EGLN3: variants seen among roughly 807,000 people sequenced by gnomAD.
EGLN3 encodes the protein egl-9 family hypoxia inducible factor 3, also known as prolyl hydroxylase EGLN3.
In EGLN3, 15 loss-of-function variants were observed where a neutral mutation model predicts 26.0. The observed-to-expected ratio is 0.58, with a 90% confidence interval of 0.39 to 0.89. EGLN3 has a LOEUF of 0.89. EGLN3 is among the 40% of genes least tolerant of loss of function. The pLI is 0.00. For missense variants in EGLN3, 238 were observed against 311.6 expected, an observed-to-expected ratio of 0.76 and a Z score of 1.78; for synonymous variants, 147 against 127.2, an observed-to-expected ratio of 1.16 and a Z score of -1.05.
chr14:33,936,088 G>A (rs569488320), intron 1 of EGLN3, among the ~76,000 whole-genome samples: 7 of 152,212 alleles, frequency 4.6e-5, no homozygotes, highest in African/African-American at 7.2e-5. Context: ...AAAATTAGTT[G>A]GGCATGGTGG....
chr14:33,941,764 T>C (rs1297533081), intron 1 of EGLN3, among the ~76,000 whole-genome samples: 1 of 152,168 alleles, frequency 6.6e-6, no homozygotes, highest in Non-Finnish European at 1.5e-5. Flanking sequence ...TAAATCCATG[T>C]ACTGGGCAGC....
chr14:33,950,281 T>C (rs1235952669), intron 1 of EGLN3, 115 bp downstream of exon 1: 2 of 1,016,210 alleles, frequency 2.0e-6, no homozygotes, highest in Non-Finnish European at 3.1e-6. Flanking sequence ...CCAGGCTGAC[T>C]TCTTGGTTAA....
At position 33,926,995 on chromosome 14, in the gene EGLN3, C is replaced by T; in HGVS notation, c.653G>A (p.Arg218Lys). The T allele has an allele frequency of 6.2e-7, 1 of 1,607,894 alleles. No homozygotes were observed. Among genetic ancestry groups the T allele is most frequent in the Non-Finnish European group, 8.5e-7 (1 of 1,177,168 alleles). The change falls in exon 4 of 5, where the codon AGG becomes AAG. Residue 218 changes from arginine (R) to lysine (K), a missense_variant. Arg to Lys is a conservative substitution (Grantham distance 26). Coordinates refer to ENST00000250457, the MANE Select transcript of EGLN3 (RefSeq NM_022073.4). ...MTVWYFDAEE[R>K]AEAKKKFRNL... ...CCTGAATTTCTTTTTGGCTTCTGCC[C>T]TTTCTTCAGCATCAAAGTACCAGAC... is the stretch of plus-strand genomic sequence containing the variant.
chr14:33,936,764 C>A (rs1358185493), intron 1 of EGLN3, among the ~76,000 whole-genome samples: 1 of 130,432 alleles, frequency 7.7e-6, no homozygotes, highest in Non-Finnish European at 1.7e-5. Context: ...GGAGGAAAGG[C>A]TGGAGAAAAA....
chr14:33,925,812 A>C lies in EGLN3; in HGVS notation c.*79T>G. 1 of 1,524,174 alleles carries C rather than the reference A, an allele frequency of 6.6e-7. No individual in the cohort carries two copies. The allele number at this position is 1,524,174 out of a possible 1,614,324, so 94.4% of individuals were successfully genotyped here. On this transcript the variant is annotated 3_prime_UTR_variant, in exon 5 of 5. Coordinates refer to ENST00000250457, the MANE Select transcript of EGLN3 (RefSeq NM_022073.4). Reference sequence around the variant, plus strand: ...GGAGATTGTTGTCACTGAAGAGGCCATCTTTGGATCTCAAAGAATTTAAGA... The same window carrying C: ...GGAGATTGTTGTCACTGAAGAGGCCCTCTTTGGATCTCAAAGAATTTAAGA...
At position 33,950,558 on chromosome 14, in the gene EGLN3, G is replaced by A; in HGVS notation, c.195C>T (p.Arg65=). 1 of 1,611,804 alleles carries A rather than the reference G, an allele frequency of 6.2e-7. No individual in the cohort carries two copies. The highest frequency in any genetic ancestry group is 2.2e-5 in the East Asian group (1 of 44,790). Residue 65 remains arginine, a synonymous_variant, in exon 1 of 5, where the codon CGC becomes CGT. Transcript: ENST00000250457. ...ALRDGQLAGP[R]AGVSKRHLRG... ...GCAGGTGTCGCTTGGAGACGCCGGCGCGCGGCCCCGCCAGCTGGCCGTCCC... is the reference window on the plus strand; with the variant it reads ...GCAGGTGTCGCTTGGAGACGCCGGCACGCGGCCCCGCCAGCTGGCCGTCCC...
In EGLN3 at chr14:33,925,571, G is replaced by A. The variant is rs2064356057; in HGVS notation, c.*320C>T. ...GAAGTATACATAAAGTGCAAGTAAG[G>A]TTCATTCCCTCGCTGTGCTCCTAGG... On this transcript the variant is annotated 3_prime_UTR_variant, in exon 5 of 5. Transcript: ENST00000250457. 7 of 284,494 alleles carry A rather than the reference G, an allele frequency of 2.5e-5. No homozygotes were observed. The South Asian group carries it at 4.4e-4, about 18-fold the overall frequency. 17.6% of individuals were successfully genotyped at this position (284,494 alleles called of 1,614,324 possible). A position where few individuals can be genotyped will look rare whatever the true frequency, so the allele number is the denominator to read the frequency against.
chr14:33,927,044 T>G lies in EGLN3; in HGVS notation c.615-11A>C. 1.3e-6 allele frequency: 2 copies of G among 1,577,480 alleles called. No individual in the cohort carries two copies. Among genetic ancestry groups the G allele is most frequent in the Non-Finnish European group, 8.6e-7 (1 of 1,161,194 alleles). ...ACAGTCATAGCATATCTGTGAAAGA[T>G]AAGCAGATATAAGGAAAGAGATTTA... On this transcript the variant is annotated splice_polypyrimidine_tract_variant and intron_variant, in intron 3 of 4. Coordinates refer to ENST00000250457, the MANE Select transcript of EGLN3 (RefSeq NM_022073.4).
At chr14:33,944,553 C>A (rs1421847456) in intron 1 of EGLN3, among the ~76,000 whole-genome samples, 1 of 152,182 alleles carries the variant, frequency 6.6e-6, no homozygotes, top group Non-Finnish European at 1.5e-5. Flanking sequence ...ATCTCTCTAG[C>A]CCTAAAAACC....
chr14:33,946,159 C>T (rs1034875686), intron 1 of EGLN3, among the ~76,000 whole-genome samples: 4 of 152,126 alleles, frequency 2.6e-5, no homozygotes, highest in Non-Finnish European at 1.5e-5. Flanking sequence ...GGCGAATCAC[C>T]TGAGGTCGGG....
At position 33,951,023 on chromosome 14, in the gene EGLN3, C is replaced by A. The variant is rs1335577783; in HGVS notation, c.-271G>T. 2 of 433,650 alleles carry A rather than the reference C, an allele frequency of 4.6e-6. No individual in the cohort carries two copies. The allele number at this position is 433,650 out of a possible 1,614,324, so 26.9% of individuals were successfully genotyped here. ...CGGCGAGCAGTGCGGCGCAAGGAGTCGGAGGGCGCCTTTTGGGGATGGGAA... is the reference window on the plus strand; with the variant it reads ...CGGCGAGCAGTGCGGCGCAAGGAGTAGGAGGGCGCCTTTTGGGGATGGGAA... On this transcript the variant is annotated 5_prime_UTR_variant, in exon 1 of 5. Coordinates refer to ENST00000250457, the MANE Select transcript of EGLN3 (RefSeq NM_022073.4).
At chr14:33,946,840 C>T (rs1305237729) in intron 1 of EGLN3, among the ~76,000 whole-genome samples, 1 of 152,214 alleles carries the variant, frequency 6.6e-6, no homozygotes, top group East Asian at 1.9e-4. Context: ...TGGTGTAAAC[C>T]AAGCAACTTG....
At chr14:33,931,003 A>T (rs1301536422) in intron 2 of EGLN3, 93 bp downstream of exon 2, 1 of 1,535,264 alleles carries the variant, frequency 6.5e-7, no homozygotes, top group African/African-American at 1.4e-5. Flanking sequence ...AGATACGGCA[A>T]CTATGAACTC....
rs367686592 is a variant in EGLN3, at chr14:33,926,958, A to G, written c.688+2T>C. 1 of 1,601,586 alleles carries G rather than the reference A, an allele frequency of 6.2e-7. No individual in the cohort carries two copies. ...AGTCACAGAAAATTATCAAACACAT[A>G]CTAGTTAAATTCCTGAATTTCTTTT... On this transcript the variant is annotated splice_donor_variant, in intron 4 of 4. Coordinates refer to ENST00000250457, the MANE Select transcript of EGLN3 (RefSeq NM_022073.4). LOFTEE classifies it high-confidence loss of function.
At chr14:33,937,671 A>G (rs531986624) in intron 1 of EGLN3, among the ~76,000 whole-genome samples, 1 of 152,322 alleles carries the variant, frequency 6.6e-6, no homozygotes, top group Non-Finnish European at 1.5e-5. Context: ...CACAATGCAG[A>G]CTACTTCTGC....
chr14:33,937,092 C>A (rs1045115761), intron 1 of EGLN3, among the ~76,000 whole-genome samples: 1 of 152,164 alleles, frequency 6.6e-6, no homozygotes, highest in Non-Finnish European at 1.5e-5. Context: ...CTTTACAAGA[C>A]GATGGCAACT....
Position 33,950,655 on chromosome 14 carries a change from T to C in EGLN3, c.98A>G (p.Asn33Ser). ...LHEVGFCYLD[N>S]FLGEVVGDCV... ...GTCGCCCACCACCTCGCCCAGGAAG[T>C]TGTCCAGGTAGCAGAAGCCCACCTC... is the stretch of plus-strand genomic sequence containing the variant. The change falls in exon 1 of 5, where the codon AAC (asparagine) becomes AGC (serine). Residue 33 changes from asparagine (N) to serine (S), a missense_variant. Asn to Ser is a conservative substitution (Grantham distance 46). Coordinates refer to ENST00000250457, the MANE Select transcript of EGLN3 (RefSeq NM_022073.4). The C allele has an allele frequency of 6.2e-7, 1 of 1,613,910 alleles. No individual in the cohort carries two copies. The highest frequency in any genetic ancestry group is 8.5e-7 in the Non-Finnish European group (1 of 1,179,938).
intron 1 of EGLN3, among the ~76,000 whole-genome samples, chr14:33,947,350 C>G (rs1485979261): frequency 1.3e-5 from 2 of 152,130 alleles, no homozygotes; most frequent in Non-Finnish European, 2.9e-5. Flanking sequence ...GTCTTCAACA[C>G]CCTTGGATTT....
At chr14:33,929,315 T>G in intron 2 of EGLN3, 103 bp from the exon 3 acceptor site, 1 of 1,387,254 alleles carries the variant, frequency 7.2e-7, no homozygotes, top group East Asian at 2.4e-5. Flanking sequence ...TAACCACCAC[T>G]CCAAATGCAT....
Sources: allele counts gnomAD v4.1 joint callset (sites outside exome capture counted in the v4.1 genomes callset), GRCh38; gene constraint gnomAD v4.1.1; transcripts MANE v1.5; gene names NCBI Gene and HGNC (gene_info 2026-07-23, HGNC 2026-07-21).